Variants in HECTD3 observed in about 807,000 individuals in gnomAD.
The protein encoded by HECTD3 is HECT domain E3 ubiquitin protein ligase 3.
Under a neutral mutation model 109.3 loss-of-function variants are expected in HECTD3, and 72 were observed. The observed-to-expected ratio is 0.66, with a 90% CI of 0.54 to 0.80. The LOEUF (loss-of-function observed/expected upper bound fraction) is 0.80. Ranked by LOEUF, HECTD3 falls within the 30% of genes least tolerant of loss-of-function variation. HECTD3 has a pLI of 0.00. For synonymous variants in HECTD3, 481 were observed against 471.8 expected, an observed-to-expected ratio of 1.02 and a Z score of -0.25; for missense variants, 1,041 against 1,165.2, an observed-to-expected ratio of 0.89 and a Z score of 1.55.
In HECTD3 at chr1:45,003,194, CCCTTCAAGTAGCTCAGG is replaced by C. The variant is rs1177529899; in HGVS notation, c.*281_*297del. 7.4e-6 allele frequency: 3 copies of C among 406,622 alleles called. No homozygotes were observed. The East Asian group carries it at 1.3e-4, about 17-fold the overall frequency. The allele number at this position is 406,622 out of a possible 1,614,324, so 25.2% of individuals were successfully genotyped here. On this transcript the variant is annotated 3_prime_UTR_variant, in exon 21 of 21. Coordinates refer to ENST00000372172, the MANE Select transcript of HECTD3 (RefSeq NM_024602.6). The surrounding 1 kb of genome is among the most constrained non-coding windows in gnomAD (Gnocchi z 4.7). ...CCATGGGTTGGGGACCTAGATGGCC[CCCTTCAAGTAGCTCAGG>C]CCTGGCAGCTTGTGCTGGGCTTGTG...
In HECTD3 at chr1:45,004,691, G is replaced by A; in HGVS notation, c.2051C>T (p.Pro684Leu). 6.2e-7 allele frequency: 1 copy of A among 1,614,220 alleles called. No individual in the cohort carries two copies. Among genetic ancestry groups the A allele is most frequent in the Non-Finnish European group, 8.5e-7 (1 of 1,180,032 alleles). The change falls in exon 16 of 21, where the codon CCT (proline) becomes CTT (leucine). Residue 684 changes from proline to leucine, a missense_variant. Pro to Leu is a moderately conservative substitution (Grantham distance 98). Transcript: ENST00000372172. ...LSDQQVVELIPGGAGIVVGYG... is the reference protein window; with the variant it reads ...LSDQQVVELILGGAGIVVGYG... Reference sequence around the variant, plus strand: ...TCCCACGACGATGCCTGCACCCCCAGGGATCAGCTCCACCACCTGTTGGTC... The same window carrying A: ...TCCCACGACGATGCCTGCACCCCCAAGGATCAGCTCCACCACCTGTTGGTC...
chr1:45,004,479 G>A, intron 16 of HECTD3, 102 bp from the exon 17 acceptor site: 3 of 1,596,940 alleles, frequency 1.9e-6, no homozygotes, highest in Non-Finnish European at 2.6e-6. Context: ...AGGTGGCACT[G>A]AGGAATGGTG....
At position 45,011,299 on chromosome 1, in the gene HECTD3, G is replaced by A; in HGVS notation, c.-42C>T. The A allele has an allele frequency of 7.4e-7, 1 of 1,350,362 alleles. No homozygotes were observed. The highest frequency in any genetic ancestry group is 9.5e-7 in the Non-Finnish European group (1 of 1,056,552). 83.6% of individuals were successfully genotyped at this position (1,350,362 alleles called of 1,614,324 possible). On this transcript the variant is annotated 5_prime_UTR_variant, in exon 1 of 21. Transcript: ENST00000372172. ...TGAGCACCTAGAGGCGACCCTGCCC[G>A]GGGAACAGCTGGCGCGACCGCGGAC... is the stretch of plus-strand genomic sequence containing the variant.
chr1:45,006,664 G>T lies in HECTD3; in HGVS notation c.1725+28C>A. The stretch of plus-strand genomic sequence containing the variant: ...TTCTAGCTCAATCTGGCACCTGGGA[G>T]GTTTGCAGAGATGGAAACGGAGATT... On this transcript the variant is annotated intron_variant, in intron 13 of 20. Transcript: ENST00000372172. This position sits in a 1 kb window ranked among gnomAD's most constrained non-coding sequence, Gnocchi z 4.7. 6.3e-7 allele frequency: 1 copy of T among 1,579,554 alleles called. No individual in the cohort carries two copies. The highest frequency in any genetic ancestry group is 8.7e-7 in the Non-Finnish European group (1 of 1,154,226).
chr1:45,006,683 G>T lies in HECTD3; in HGVS notation c.1725+9C>A, dbSNP rs368419964. ...CTGGGAGGTTTGCAGAGATGGAAAC[G>T]GAGATTACCTGGTTGGCTGTGCGTA... is the stretch of plus-strand genomic sequence containing the variant. On this transcript the variant is annotated intron_variant, in intron 13 of 20. Transcript: ENST00000372172. This position sits in a 1 kb window ranked among gnomAD's most constrained non-coding sequence, Gnocchi z 4.7. 9 of 1,606,764 alleles carry T rather than the reference G, an allele frequency of 5.6e-6. No individual in the cohort carries two copies. The highest frequency in any genetic ancestry group is 3.3e-5 in the South Asian group (3 of 90,284).
intron 9 of HECTD3, 116 bp from the exon 10 acceptor site, chr1:45,007,711 A>AT: frequency 2.3e-6 from 2 of 883,790 alleles, no homozygotes; most frequent in Non-Finnish European, 3.4e-6. Flanking sequence ...AGTCTAGTCC[A>AT]TCCCTGTCTT....
rs368103790 is a variant in HECTD3, at chr1:45,008,557, C to T, written c.1217G>A (p.Arg406His). The change falls in exon 8 of 21, where the codon CGC becomes CAC. Residue 406 changes from arginine (R) to histidine (H), a missense_variant. This residue lies in a region of HECTD3 where 569 missense variants were observed against 715.3 expected (regional missense o/e 0.80). Coordinates refer to ENST00000372172, the MANE Select transcript of HECTD3 (RefSeq NM_024602.6). ...CCACCTCTGCAGGAGGACAGCTCTG[C>T]GGTACAGTACTTCAGGGTCGGTGCC... ...LEGTDPEVLY[R>H]RAVLLQRFIK... is the part of the protein sequence containing the mutation. The T allele has an allele frequency of 2.1e-5, 34 of 1,613,574 alleles. No homozygotes were observed. Among genetic ancestry groups the T allele is most frequent in the African/African-American group, 1.5e-4 (11 of 74,904 alleles).
At position 45,003,019 on chromosome 1, in the gene HECTD3, GCTA is replaced by G; in HGVS notation, c.*470_*472del. The G allele has an allele frequency of 5.9e-6, 1 of 168,302 alleles. No individual in the cohort carries two copies. Among genetic ancestry groups the G allele is most frequent in the Admixed American group, 5.5e-5 (1 of 18,274 alleles). 10.4% of individuals were successfully genotyped at this position (168,302 alleles called of 1,614,324 possible). A position where few individuals can be genotyped will look rare whatever the true frequency, so the allele number is the denominator to read the frequency against. On this transcript the variant is annotated 3_prime_UTR_variant, in exon 21 of 21. Transcript: ENST00000372172. The surrounding 1 kb of genome is among the most constrained non-coding windows in gnomAD (Gnocchi z 4.7). ...TTGGAGCAGGTGACCAAGGAGTTTG[GCTA>G]TCACTCCCTGCCCATCCCAGGCTCC...
Position 45,007,245 on chromosome 1 carries a change from G to A in HECTD3, c.1530C>T (p.Asp510=), listed in dbSNP as rs1341227683. 1 of 1,613,404 alleles carries A rather than the reference G, an allele frequency of 6.2e-7. No individual in the cohort carries two copies. The highest frequency in any genetic ancestry group is 1.3e-5 in the African/African-American group (1 of 74,862). The change falls in exon 11 of 21, where the codon GAC becomes GAT. Residue 510 remains aspartate, a synonymous_variant. Coordinates refer to ENST00000372172, the MANE Select transcript of HECTD3 (RefSeq NM_024602.6). The part of the protein sequence containing the change: ...TQVYEGLKPS[D]KYEKPLDYRW... ...TGTAGTCCAGGGGCTTTTCATATTTGTCAGAGGGCTTGAGGCCTTCATATA... is the reference window on the plus strand; with the variant it reads ...TGTAGTCCAGGGGCTTTTCATATTTATCAGAGGGCTTGAGGCCTTCATATA...
In HECTD3 at chr1:45,005,812, T is replaced by C; in HGVS notation, c.1917A>G (p.Pro639=). The change falls in exon 15 of 21, where the codon CCA becomes CCG. Residue 639 remains proline, a synonymous_variant. Transcript: ENST00000372172. ...TACTCACCAGCACAGAGTCCACAGC[T>C]GGGAAGTCCTTGCTCCAGCTCACCT... ...GEEVSWSKDF[P]AVDSVLVKLL... 4 of 1,603,746 alleles carry C rather than the reference T, an allele frequency of 2.5e-6. No homozygotes were observed. Among genetic ancestry groups the C allele is most frequent in the Non-Finnish European group, 3.4e-6 (4 of 1,174,686 alleles).
chr1:45,009,546 G>T (rs187431720), intron 5 of HECTD3, 22 bp downstream of exon 5: 1 of 1,607,944 alleles, frequency 6.2e-7, no homozygotes, highest in African/African-American at 1.3e-5. Context: ...CACCCACCCT[G>T]TCCTGCCCAG....
In HECTD3 at chr1:45,006,670, C is replaced by T; in HGVS notation, c.1725+22G>A. ...CTCAATCTGGCACCTGGGAGGTTTG[C>T]AGAGATGGAAACGGAGATTACCTGG... On this transcript the variant is annotated intron_variant, in intron 13 of 20. Transcript: ENST00000372172. This position sits in a 1 kb window ranked among gnomAD's most constrained non-coding sequence, Gnocchi z 4.7. 1 of 1,594,100 alleles carries T rather than the reference C, an allele frequency of 6.3e-7. No individual in the cohort carries two copies. The highest frequency in any genetic ancestry group is 1.7e-5 in the Admixed American group (1 of 58,254).
Position 45,003,719 on chromosome 1 carries a change from C to T in HECTD3, c.2451G>A (p.Leu817=). The change falls in exon 20 of 21, where the codon CTG becomes CTA. Residue 817 remains leucine (L), a synonymous_variant. Transcript: ENST00000372172. The surrounding 1 kb of genome is among the most constrained non-coding windows in gnomAD (Gnocchi z 4.7). ...DKLGYETTDA[L]PESSTCSSTL... ...TGCTGGAGCAAGTGGAAGACTCGGG[C>T]AGCGCGTCTGTGGTCTCGTAGCTGG... The T allele has an allele frequency of 6.2e-7, 1 of 1,614,028 alleles. No individual in the cohort carries two copies. The highest frequency in any genetic ancestry group is 8.5e-7 in the Non-Finnish European group (1 of 1,179,994).
intron 6 of HECTD3, 24 bp downstream of exon 6, chr1:45,009,345 C>T (rs770922154): frequency 2.5e-6 from 4 of 1,584,068 alleles, no homozygotes; most frequent in Non-Finnish European, 2.6e-6. Context: ...TGCCCTACTT[C>T]CCTCCCCAGG....
At chr1:45,008,812 G>A (rs1252489421) in intron 7 of HECTD3, 111 bp from the exon 8 acceptor site, 3 of 993,526 alleles carry the variant, frequency 3.0e-6, no homozygotes, top group Middle Eastern at 3.3e-4. Flanking sequence ...TTAGCCCCTA[G>A]AAACTCGGGA....
intron 15 of HECTD3, 61 bp from the exon 16 acceptor site, chr1:45,004,867 C>T: frequency 6.9e-7 from 1 of 1,454,106 alleles, no homozygotes; most frequent in Non-Finnish European, 9.7e-7. Context: ...CCCTGTCTTT[C>T]CACAAGATGC....
In HECTD3 at chr1:45,011,140, G is replaced by A. The variant is rs545929258; in HGVS notation, c.118C>T (p.Leu40=). The A allele has an allele frequency of 1.1e-5, 17 of 1,509,304 alleles. No homozygotes were observed. The African/African-American group carries it at 1.3e-4, about 12-fold the overall frequency. 93.5% of individuals were successfully genotyped at this position (1,509,304 alleles called of 1,614,324 possible). A position where few individuals can be genotyped will look rare whatever the true frequency, so the allele number is the denominator to read the frequency against. ...AGCACCTCTCGCGGCACGAAAGCCA[G>A]CGCTGCTGGCAGCGGCCGCCCGGCG... ...LRAGRPLPAA[L]AFVPREVLYK... is the part of the protein sequence containing the mutation. The change falls in exon 1 of 21, where the codon CTG becomes TTG. Residue 40 remains leucine (L), a synonymous_variant. Coordinates refer to ENST00000372172, the MANE Select transcript of HECTD3 (RefSeq NM_024602.6).
chr1:45,010,338 C>A, intron 2 of HECTD3, 45 bp from the exon 3 acceptor site: 1 of 1,562,644 alleles, frequency 6.4e-7, no homozygotes, highest in Non-Finnish European at 8.8e-7. Flanking sequence ...CATCAGCGGT[C>A]AGCAAGACAC....
At position 45,005,875 on chromosome 1, in the gene HECTD3, G is replaced by A. The variant is rs1191951767; in HGVS notation, c.1854C>T (p.Ala618=). The part of the protein sequence containing the change: ...ALRGKEFLVL[A]LPGFVWKQLS... Reference sequence around the variant, plus strand: ...GCTGCTTCCACACAAAACCAGGCAGGGCCAGGACCTGTGTGACAAACACTC... The same window carrying A: ...GCTGCTTCCACACAAAACCAGGCAGAGCCAGGACCTGTGTGACAAACACTC... The change falls in exon 15 of 21, where the codon GCC becomes GCT. Residue 618 remains alanine (A), a synonymous_variant. Coordinates refer to ENST00000372172, the MANE Select transcript of HECTD3 (RefSeq NM_024602.6). The A allele has an allele frequency of 1.9e-6, 3 of 1,607,022 alleles. No homozygotes were observed. Among genetic ancestry groups the A allele is most frequent in the Non-Finnish European group, 1.7e-6 (2 of 1,176,556 alleles).
Sources: gnomAD v4.1 joint callset for allele counts on GRCh38, gnomAD v4.1.1 for gene constraint, gnomAD v4.1.1 regional missense constraint, Gnocchi (gnomAD v3.1) non-coding constraint, MANE v1.5 for transcripts, NCBI Gene and HGNC (gene_info 2026-07-23, HGNC 2026-07-21) for gene names.